The following SPEF2 variants were observed in gnomAD, a reference collection of about 807,000 sequenced individuals.
SPEF2 encodes the protein sperm flagellar and cilia associated 2.
SPEF2 carries 187 observed loss-of-function variants against 224.6 expected under a neutral mutation model. The ratio of observed to expected loss-of-function variants is 0.83; its 90% CI spans 0.74 to 0.94. SPEF2 has a LOEUF of 0.94. Ranked by LOEUF, SPEF2 falls within the 40% of genes least tolerant of loss-of-function variation. The pLI, the probability that SPEF2 is intolerant of heterozygous loss-of-function variation, is 0.00. For synonymous variants in SPEF2, 715 were observed against 707.3 expected, an observed-to-expected ratio of 1.01 and a Z score of -0.17; for missense variants, 2,170 against 2,135.6, an observed-to-expected ratio of 1.02 and a Z score of -0.32.
intron 26 of SPEF2, among the ~76,000 whole-genome samples, chr5:35,768,653 C>T (rs1752402573): frequency 6.6e-6 from 1 of 151,998 alleles, no homozygotes; most frequent in Non-Finnish European, 1.5e-5. Flanking sequence ...ACATTGTACC[C>T]TTTTCCTTGT....
chr5:35,670,307 T>C, intron 10 of SPEF2, 80 bp downstream of exon 10: 2 of 1,491,746 alleles, frequency 1.3e-6, no homozygotes, highest in South Asian at 2.9e-5. Flanking sequence ...TATTCCTTAT[T>C]TCATTTCTAC....
intron 34 of SPEF2, among the ~76,000 whole-genome samples, chr5:35,801,579 T>G (rs1031054941): frequency 2.0e-5 from 3 of 152,172 alleles, no homozygotes; most frequent in African/African-American, 7.2e-5. Context: ...GCACTGCATT[T>G]GCCACTTTCC....
In SPEF2 at chr5:35,697,784, A is replaced by T; in HGVS notation, c.2132A>T (p.Asn711Ile). The change falls in exon 15 of 37, where the codon AAT becomes ATT. Residue 711 changes from asparagine to isoleucine, a missense_variant. Asn to Ile is a moderately radical substitution (Grantham distance 149). Transcript: ENST00000356031. Reference protein sequence around the residue: ...PDVLLVDIIVNAINEIPVNQD... With the variant: ...PDVLLVDIIVIAINEIPVNQD... ...GTGCTGCTTGTTGACATCATAGTAAATGCTATTAAGTATGTATTGCATTTT... is the reference window on the plus strand; with the variant it reads ...GTGCTGCTTGTTGACATCATAGTAATTGCTATTAAGTATGTATTGCATTTT... 6.2e-7 allele frequency: 1 copy of T among 1,610,554 alleles called. No individual in the cohort carries two copies.
In SPEF2 at chr5:35,637,267, C is replaced by T. The variant is rs73747492; in HGVS notation, c.162-4164C>T. Among the ~76,000 whole-genome samples, 1,436 of 152,190 alleles carry T rather than the reference C, an allele frequency of 9.4e-3. 27 individuals carry two copies. The highest frequency in any genetic ancestry group is 0.033 in the African/African-American group (1,387 of 41,520). ...GTTGTTACAAGCCTTTAGCTAATTT[C>T]CAGAGTTATGAAAAGGTTGATTTTT... On this transcript the variant is annotated intron_variant, in intron 2 of 36. Coordinates refer to ENST00000356031, the MANE Select transcript of SPEF2 (RefSeq NM_024867.4).
intron 7 of SPEF2, among the ~76,000 whole-genome samples, chr5:35,657,319 T>G (rs1179199485): frequency 6.6e-6 from 1 of 152,154 alleles, no homozygotes; most frequent in African/African-American, 2.4e-5. Context: ...GCCTACTGAT[T>G]GATAAATACG....
intron 23 of SPEF2, among the ~76,000 whole-genome samples, chr5:35,751,096 C>CATATATATATATATATAT (rs376188111): frequency 1.8e-3 from 56 of 30,478 alleles, no homozygotes; most frequent in Admixed American, 2.5e-3. Flanking sequence ...CACACACACA[C>CATATATATATATATATAT]ATATATATAT....
chr5:35,641,631 A>G lies in SPEF2; in HGVS notation c.362A>G (p.Gln121Arg). The change falls in exon 3 of 37, where the codon CAA becomes CGA. Residue 121 changes from glutamine (Q) to arginine (R), a missense_variant. By Grantham distance (43) the Gln-to-Arg change is conservative. Coordinates refer to ENST00000356031, the MANE Select transcript of SPEF2 (RefSeq NM_024867.4). Reference sequence around the variant, plus strand: ...ACTGGAGTGGAGATGCAAACCATGCAACGTCTGACAAATTTAAGACTTCAA... The same window carrying G: ...ACTGGAGTGGAGATGCAAACCATGCGACGTCTGACAAATTTAAGACTTCAA... ...GLTGVEMQTMQRLTNLRLQNM... is the reference protein window; with the variant it reads ...GLTGVEMQTMRRLTNLRLQNM... 1 of 1,613,668 alleles carries G rather than the reference A, an allele frequency of 6.2e-7. No individual in the cohort carries two copies. Among genetic ancestry groups the G allele is most frequent in the South Asian group, 1.1e-5 (1 of 91,044 alleles).
chr5:35,678,259 A>G lies in SPEF2; in HGVS notation c.1524+8032A>G, dbSNP rs145570477. ...GACATTATTGAATCAGGTCAAATTCATTAGATTTCCTGATGATCCAGAATT... is the reference window on the plus strand; with the variant it reads ...GACATTATTGAATCAGGTCAAATTCGTTAGATTTCCTGATGATCCAGAATT... On this transcript the variant is annotated intron_variant, in intron 10 of 36. Transcript: ENST00000356031. Among the ~76,000 whole-genome samples the G allele has an allele frequency of 1.3e-3, 205 of 152,370 alleles. 1 individual carries two copies. Among genetic ancestry groups the G allele is most frequent in the Non-Finnish European group, 2.2e-3 (152 of 68,030 alleles).
At chr5:35,679,524 C>A (rs1359263324) in intron 10 of SPEF2, among the ~76,000 whole-genome samples, 12 of 152,196 alleles carry the variant, frequency 7.9e-5, no homozygotes. Context: ...ACAAACAGAG[C>A]TAGAACATCT....
rs73082302 is a variant in SPEF2 at position 35,697,923 on chromosome 5, C to T, written c.2141+130C>T. 0.063 allele frequency: 38,006 copies of T among 600,742 alleles called. 2,117 individuals carry two copies. The highest frequency in any genetic ancestry group is 0.22 in the African/African-American group (11,334 of 52,482). The allele number at this position is 600,742 out of a possible 1,614,324, so 37.2% of individuals were successfully genotyped here. On this transcript the variant is annotated intron_variant, in intron 15 of 36. Coordinates refer to ENST00000356031, the MANE Select transcript of SPEF2 (RefSeq NM_024867.4). ...TCACTCATCTGTATATGAAAATATA[C>T]AGCAATGAAAAGGTAGATTTATTTT...
chr5:35,805,399 C>G (rs1240655284), intron 34 of SPEF2, among the ~76,000 whole-genome samples: 1 of 152,120 alleles, frequency 6.6e-6, no homozygotes, highest in African/African-American at 2.4e-5. Context: ...TCCTTCCATA[C>G]ATGAGATTTA....
chr5:35,696,154 G>T (rs569529527), intron 14 of SPEF2, among the ~76,000 whole-genome samples: 1 of 151,938 alleles, frequency 6.6e-6, no homozygotes, highest in South Asian at 2.1e-4. Flanking sequence ...CCTTACTCTT[G>T]TTGGTGACTC....
At chr5:35,629,975 G>A (rs1006147080) in intron 2 of SPEF2, among the ~76,000 whole-genome samples, 5 of 152,080 alleles carry the variant, frequency 3.3e-5, no homozygotes, top group Non-Finnish European at 5.9e-5. Flanking sequence ...TCCTCTGTTG[G>A]TATTCTTGGG....
chr5:35,771,170 ACT>A (rs1752801549), intron 26 of SPEF2, among the ~76,000 whole-genome samples: 1 of 151,926 alleles, frequency 6.6e-6, no homozygotes, highest in Admixed American at 6.6e-5. Context: ...TAAAAAAAAA[ACT>A]CTGTAGGGGA....
intron 34 of SPEF2, among the ~76,000 whole-genome samples, chr5:35,806,385 T>C (rs187269753): frequency 6.6e-6 from 1 of 152,348 alleles, no homozygotes; most frequent in Admixed American, 6.5e-5. Flanking sequence ...TTGTTTAAAA[T>C]CTATATACAT....
rs1483793256 is a variant in SPEF2 at position 35,647,990 on chromosome 5, C to G, written c.726+1183C>G. Reference sequence around the variant, plus strand: ...CTGCTACAATGATTGTTTATATTCTCTCATGTGACCTATAAAGATGATTAA... The same window carrying G: ...CTGCTACAATGATTGTTTATATTCTGTCATGTGACCTATAAAGATGATTAA... On this transcript the variant is annotated intron_variant, in intron 5 of 36. Transcript: ENST00000356031. Among the ~76,000 whole-genome samples, 3 of 152,320 alleles carry G rather than the reference C, an allele frequency of 2.0e-5. No individual in the cohort carries two copies. The East Asian group carries it at 5.8e-4, about 29-fold the overall frequency.
Position 35,704,623 on chromosome 5 carries a change from A to AGGATG in SPEF2, c.2470_2474dup (p.Asp826MetfsTer6). ...CGTGTAGCTGCTGAAAACCAAGATA[A>AGGATG]GGATGGAGACCAAAATTTAAGAGAC... On this transcript the variant is annotated frameshift_variant, in exon 17 of 37. Coordinates refer to ENST00000356031, the MANE Select transcript of SPEF2 (RefSeq NM_024867.4). LOFTEE classifies it high-confidence loss of function. 6.2e-7 allele frequency: 1 copy of AGGATG among 1,612,926 alleles called. No individual in the cohort carries two copies. The highest frequency in any genetic ancestry group is 8.5e-7 in the Non-Finnish European group (1 of 1,179,254).
At chr5:35,695,502 G>C (rs1755179085) in intron 13 of SPEF2, among the ~76,000 whole-genome samples, 1 of 152,102 alleles carries the variant, frequency 6.6e-6, no homozygotes, top group African/African-American at 2.4e-5. Context: ...GCAGGGAAGG[G>C]AGGGAGGTAG....
At chr5:35,809,529 C>T (rs1469582333) in intron 36 of SPEF2, among the ~76,000 whole-genome samples, 3 of 152,060 alleles carry the variant, frequency 2.0e-5, no homozygotes, top group Non-Finnish European at 4.4e-5. Context: ...AGGGAGGCAG[C>T]AGAGTCCTGG....
Sources: allele counts gnomAD v4.1 joint callset (sites outside exome capture counted in the v4.1 genomes callset), GRCh38; gene constraint gnomAD v4.1.1; transcripts MANE v1.5; gene names NCBI Gene and HGNC (gene_info 2026-07-23, HGNC 2026-07-21).